PTPRD: variants seen among roughly 807,000 people sequenced by gnomAD.
PTPRD encodes receptor-type tyrosine-protein phosphatase delta.
In PTPRD, 34 loss-of-function variants were observed where a neutral mutation model predicts 214.5. The observed-to-expected ratio is 0.16, with a 90% confidence interval of 0.12 to 0.21. The LOEUF (loss-of-function observed/expected upper bound fraction) is 0.21, where lower values mean the gene tolerates loss of function less well. PTPRD is among the 10% of genes least tolerant of loss of function. PTPRD has a pLI of 1.00. For synonymous variants in PTPRD, 1,128 were observed against 845.7 expected (o/e 1.33, Z -5.79); for missense variants, 2,545 against 2,398.7 (o/e 1.06, Z -1.27).
intron 7 of PTPRD, among the ~76,000 whole-genome samples, chr9:9,666,950 G>A (rs945564379): frequency 7.9e-5 from 12 of 151,926 alleles, no homozygotes; most frequent in African/African-American, 2.9e-4. Context: ...AACTACTGAT[G>A]AGTGTTTTTT....
At chr9:10,293,263 A>C (rs2095580473) in intron 3 of PTPRD, among the ~76,000 whole-genome samples, 1 of 151,956 alleles carries the variant, frequency 6.6e-6, no homozygotes, top group Admixed American at 6.6e-5. Context: ...ATAGAAAAAA[A>C]ATTGGAAAAA....
chr9:10,367,781 A>C lies in PTPRD; in HGVS notation c.-599-26764T>G, dbSNP rs79861936. Reference sequence around the variant, plus strand: ...TTTATGTCAAGAAAGGCAAAATGGGATACAGACAGTATCTACTCTAAATTC... The same window carrying C: ...TTTATGTCAAGAAAGGCAAAATGGGCTACAGACAGTATCTACTCTAAATTC... On this transcript the variant is annotated intron_variant, in intron 2 of 45. Transcript: ENST00000381196. 2.0e-4 allele frequency among the ~76,000 whole-genome samples: 31 copies of C among 152,224 alleles called. No individual in the cohort carries two copies. In the East Asian group the frequency reaches 5.2e-3, roughly 26 times the overall value.
chr9:8,982,155 T>C (rs747949222), intron 11 of PTPRD, among the ~76,000 whole-genome samples: 4 of 151,948 alleles, frequency 2.6e-5, no homozygotes, highest in Non-Finnish European at 5.9e-5. Context: ...AAGAGGAAAA[T>C]ATTACTACAC....
chr9:10,479,652 A>ATAAATAC (rs1555402852), intron 2 of PTPRD, among the ~76,000 whole-genome samples: 3,033 of 124,190 alleles, frequency 0.024, 49 homozygotes, highest in Non-Finnish European at 0.036. Context: ...TAAATAAATA[A>ATAAATAC]ATAAATAAAC....
chr9:10,009,020 G>A (rs1161822984), intron 4 of PTPRD, among the ~76,000 whole-genome samples: 1 of 151,130 alleles, frequency 6.6e-6, no homozygotes, highest in Non-Finnish European at 1.5e-5. Flanking sequence ...AATCAAACTT[G>A]TTCTCTAATA....
intron 3 of PTPRD, among the ~76,000 whole-genome samples, chr9:10,251,960 A>G (rs1376710517): frequency 6.6e-6 from 1 of 152,172 alleles, no homozygotes; most frequent in African/African-American, 2.4e-5. Context: ...TATATTTCAA[A>G]GTTTCTAAAA....
rs144219603 is a variant in PTPRD, at chr9:9,079,412, T to G, written c.-142-60677A>C. 2.3e-3 allele frequency among the ~76,000 whole-genome samples: 344 copies of G among 152,232 alleles called. 2 individuals are homozygous for G. Among genetic ancestry groups the G allele is most frequent in the African/African-American group, 7.5e-3 (311 of 41,564 alleles). ...ATTTTTATGGCTGAATAATATTCCA[T>G]TTTGTATATGTTAATTCCATATCTT... On this transcript the variant is annotated intron_variant, in intron 10 of 45. Coordinates refer to ENST00000381196, the MANE Select transcript of PTPRD (RefSeq NM_002839.4).
At chr9:9,832,904 TC>T (rs1235584757) in intron 5 of PTPRD, among the ~76,000 whole-genome samples, 1 of 149,466 alleles carries the variant, frequency 6.7e-6, no homozygotes, top group African/African-American at 2.5e-5. Flanking sequence ...TTTTTTTTTT[TC>T]CCATATGAGA....
chr9:8,458,783 G>C (rs772314118), intron 33 of PTPRD, among the ~76,000 whole-genome samples: 6 of 151,960 alleles, frequency 3.9e-5, no homozygotes, highest in Non-Finnish European at 8.8e-5. Context: ...ATACAGATTG[G>C]AATGGAAGAT....
intron 7 of PTPRD, among the ~76,000 whole-genome samples, chr9:9,685,734 C>A (rs140897823): frequency 0.013 from 1,940 of 150,934 alleles, 21 homozygotes; most frequent in Non-Finnish European, 0.018. Flanking sequence ...AAAAGTAAAC[C>A]AGAATATTTT....
intron 44 of PTPRD, among the ~76,000 whole-genome samples, chr9:8,326,279 A>G (rs1833660904): frequency 6.6e-6 from 1 of 152,204 alleles, no homozygotes; most frequent in African/African-American, 2.4e-5. Context: ...GTTAGCATAA[A>G]GGGCTCATGA....
At chr9:8,868,919 T>C (rs1005164526) in intron 11 of PTPRD, among the ~76,000 whole-genome samples, 1 of 152,178 alleles carries the variant, frequency 6.6e-6, no homozygotes. Context: ...GGCACACATA[T>C]GAAGGAAAAC....
In PTPRD at chr9:9,254,317, G is replaced by A. The variant is rs190314424; in HGVS notation, c.-202-70954C>T. The stretch of plus-strand genomic sequence containing the variant: ...TATTTTCTATTTCCTTCTATTTTCT[G>A]TCTGGTTGGATGTTGTATTTATAAA... On this transcript the variant is annotated intron_variant, in intron 9 of 45. Transcript: ENST00000381196. Among the ~76,000 whole-genome samples the A allele has an allele frequency of 4.1e-3, 619 of 152,036 alleles. 6 individuals are homozygous for A. Among genetic ancestry groups the A allele is most frequent in the African/African-American group, 0.013 (532 of 41,508 alleles).
intron 2 of PTPRD, among the ~76,000 whole-genome samples, chr9:10,438,375 G>T (rs2098736481): frequency 6.6e-6 from 1 of 151,488 alleles, no homozygotes; most frequent in Non-Finnish European, 1.5e-5. Context: ...TGATATTTTT[G>T]ACTTACGATG....
chr9:9,210,710 A>T (rs1276746918), intron 9 of PTPRD, among the ~76,000 whole-genome samples: 1 of 152,120 alleles, frequency 6.6e-6, no homozygotes, highest in East Asian at 1.9e-4. Flanking sequence ...TGTATGCCAC[A>T]TACAAATGAC....
intron 4 of PTPRD, among the ~76,000 whole-genome samples, chr9:9,986,082 T>C (rs1229095651): frequency 1.3e-5 from 2 of 152,158 alleles, no homozygotes; most frequent in African/African-American, 2.4e-5. Flanking sequence ...TAAAACTGTA[T>C]TCATTAAGCA....
At chr9:9,468,468 C>G (rs1297422778) in intron 8 of PTPRD, among the ~76,000 whole-genome samples, 1 of 151,932 alleles carries the variant, frequency 6.6e-6, no homozygotes, top group African/African-American at 2.4e-5. Flanking sequence ...TGTCTTTATC[C>G]TAGTCTTCCA....
At chr9:9,662,936 T>C (rs555525921) in intron 7 of PTPRD, among the ~76,000 whole-genome samples, 1 of 151,596 alleles carries the variant, frequency 6.6e-6, no homozygotes, top group Non-Finnish European at 1.5e-5. Flanking sequence ...TTTATGAATC[T>C]GATACAGTTT....
At chr9:8,653,602 G>A (rs1379048328) in intron 12 of PTPRD, among the ~76,000 whole-genome samples, 6 of 152,010 alleles carry the variant, frequency 3.9e-5, no homozygotes, top group Admixed American at 6.6e-5. Context: ...GGCTAGTACC[G>A]TTGCAAATTC....
Sources: gnomAD v4.1 joint callset for allele counts (sites outside exome capture counted in the v4.1 genomes callset) on GRCh38, gnomAD v4.1.1 for gene constraint, MANE v1.5 for transcripts, NCBI Gene and HGNC (gene_info 2026-07-23, HGNC 2026-07-21) for gene names.